The following RORA variants were observed in gnomAD, a reference collection of about 807,000 sequenced individuals.
The protein encoded by RORA is nuclear receptor ROR-alpha.
RORA carries 7 observed loss-of-function variants against 69.5 expected under a neutral mutation model. That is an observed-to-expected ratio of 0.10 (90% CI 0.06 to 0.19). RORA has a LOEUF of 0.19. Among genes scored for constraint, RORA ranks in the 10% least tolerant of loss-of-function variants. The pLI is 1.00. For missense variants in RORA, 457 were observed against 663.0 expected, an observed-to-expected ratio of 0.69 and a Z score of 3.41; for synonymous variants, 261 against 240.8, an observed-to-expected ratio of 1.08 and a Z score of -0.78.
At chr15:60,632,034 C>T (rs887690879) in intron 2 of RORA, among the ~76,000 whole-genome samples, 2 of 152,048 alleles carry the variant, frequency 1.3e-5, no homozygotes, top group Non-Finnish European at 2.9e-5. Context: ...AACTAGAAAG[C>T]CCCAAGAGAA....
intron 1 of RORA, among the ~76,000 whole-genome samples, chr15:61,016,144 AGAGT>A (rs1287650851): frequency 2.0e-5 from 3 of 152,202 alleles, no homozygotes; most frequent in Non-Finnish European, 2.9e-5. Flanking sequence ...ACCACAATGT[AGAGT>A]GAGTTATTTA....
intron 1 of RORA, among the ~76,000 whole-genome samples, chr15:61,130,683 A>T (rs1309088758): frequency 1.3e-5 from 2 of 152,246 alleles, no homozygotes; most frequent in Non-Finnish European, 2.9e-5. Context: ...AGAAAAACAC[A>T]GGTAAATGAT....
In RORA at chr15:60,495,169, A is replaced by G. The variant is rs889434746; in HGVS notation, c.*2286T>C. On this transcript the variant is annotated 3_prime_UTR_variant, in exon 11 of 11. Coordinates refer to ENST00000335670, the MANE Select transcript of RORA (RefSeq NM_134261.3). Reference sequence around the variant, plus strand: ...ACCATTTCCCCCCAGAGGAGAAACAATAGAAAAAAAATGGATGAATAAATA... The same window carrying G: ...ACCATTTCCCCCCAGAGGAGAAACAGTAGAAAAAAAATGGATGAATAAATA... 1 of 152,214 alleles carries G rather than the reference A, an allele frequency of 6.6e-6. No individual in the cohort carries two copies. The highest frequency in any genetic ancestry group is 1.5e-5 in the Non-Finnish European group (1 of 68,038). 9.4% of individuals were successfully genotyped at this position (152,214 alleles called of 1,614,324 possible).
chr15:60,553,500 G>A (rs1340546574), intron 2 of RORA, among the ~76,000 whole-genome samples: 1 of 152,180 alleles, frequency 6.6e-6, no homozygotes, highest in Non-Finnish European at 1.5e-5. Context: ...TGGGCTAAGA[G>A]TCAGATGGTC....
intron 1 of RORA, among the ~76,000 whole-genome samples, chr15:61,178,574 C>G (rs2079652557): frequency 6.6e-6 from 1 of 151,956 alleles, no homozygotes; most frequent in Non-Finnish European, 1.5e-5. Context: ...TAAAACACTT[C>G]TAAGGCATCA....
intron 1 of RORA, among the ~76,000 whole-genome samples, chr15:61,218,264 T>C (rs1330077554): frequency 6.6e-6 from 1 of 152,146 alleles, no homozygotes; most frequent in East Asian, 1.9e-4. Context: ...GGTATTAATG[T>C]CTCAAAGATA....
intron 1 of RORA, among the ~76,000 whole-genome samples, chr15:60,966,365 C>T (rs1893554455): frequency 6.6e-6 from 1 of 152,170 alleles, no homozygotes; most frequent in Admixed American, 6.5e-5. Context: ...CTAGACATGG[C>T]TTTCTGATTG....
intron 2 of RORA, among the ~76,000 whole-genome samples, chr15:60,639,586 A>T (rs1163290548): frequency 1.3e-5 from 2 of 152,140 alleles, no homozygotes; most frequent in East Asian, 3.9e-4. Context: ...GAGATTTCGA[A>T]CATTGAAACT....
chr15:60,500,919 C>T lies in RORA; in HGVS notation c.1294+40G>A, dbSNP rs375242826. The T allele has an allele frequency of 1.1e-5, 13 of 1,179,988 alleles. No homozygotes were observed. The African/African-American group carries it at 2.0e-4, about 18-fold the overall frequency. 73.1% of individuals were successfully genotyped at this position (1,179,988 alleles called of 1,614,324 possible). A position where few individuals can be genotyped will look rare whatever the true frequency, so the allele number is the denominator to read the frequency against. On this transcript the variant is annotated intron_variant, in intron 9 of 10. Coordinates refer to ENST00000335670, the MANE Select transcript of RORA (RefSeq NM_134261.3). ...CCTTGTAAAAATTCTTTATCTTAGA[C>T]AATTCGAAAACCATTTTTATTTTTA...
intron 3 of RORA, chr15:60,529,409 A>G (rs1303671068): frequency 6.6e-6 from 1 of 152,202 alleles, no homozygotes; most frequent in African/African-American, 2.4e-5. Context: ...AGCAGAGAGA[A>G]ATTATAATGG....
chr15:60,602,016 G>A (rs917435461), intron 2 of RORA, among the ~76,000 whole-genome samples: 1 of 152,126 alleles, frequency 6.6e-6, no homozygotes, highest in Non-Finnish European at 1.5e-5. Context: ...TTGTTGTAAA[G>A]CCTTAAGTAC....
chr15:60,576,190 CA>C (rs1451762243), intron 2 of RORA, among the ~76,000 whole-genome samples: 13 of 152,354 alleles, frequency 8.5e-5, no homozygotes, highest in Non-Finnish European at 1.8e-4. Context: ...TCTGTTTATA[CA>C]GTGAGTATGC....
chr15:60,704,326 G>T (rs2071028758), intron 1 of RORA, among the ~76,000 whole-genome samples: 1 of 152,246 alleles, frequency 6.6e-6, no homozygotes, highest in African/African-American at 2.4e-5. Flanking sequence ...GGGTGTTGCT[G>T]CCCTCCCGGC....
chr15:60,542,759 T>G (rs28587450), intron 2 of RORA, among the ~76,000 whole-genome samples: 125,979 of 150,414 alleles, frequency 0.84, 53,988 homozygotes, highest in East Asian at 1. Flanking sequence ...CGGGCACACC[T>G]CACACACAAG....
At chr15:61,048,339 T>A (rs1021311019) in intron 1 of RORA, among the ~76,000 whole-genome samples, 17 of 152,182 alleles carry the variant, frequency 1.1e-4, no homozygotes, top group African/African-American at 4.1e-4. Context: ...ACCTGAACAC[T>A]GTGTCCTGGT....
chr15:60,782,606 T>C (rs1321043229), intron 1 of RORA, among the ~76,000 whole-genome samples: 1 of 152,206 alleles, frequency 6.6e-6, no homozygotes, highest in Admixed American at 6.5e-5. Context: ...GTTGAAGTTT[T>C]ATTCATGGAG....
intron 5 of RORA, 43 bp from the exon 6 acceptor site, chr15:60,505,672 C>G: frequency 6.2e-7 from 1 of 1,602,858 alleles, no homozygotes; most frequent in South Asian, 1.1e-5. Context: ...AAGCGAAGTT[C>G]TTTGAATAAT....
chr15:60,533,201 G>T (rs1165185931), intron 2 of RORA, among the ~76,000 whole-genome samples: 1 of 152,080 alleles, frequency 6.6e-6, no homozygotes, highest in African/African-American at 2.4e-5. Flanking sequence ...TGACTTTTAG[G>T]GAGTGCAAGC....
chr15:60,946,797 G>A (rs1297405055), intron 1 of RORA, among the ~76,000 whole-genome samples: 1 of 150,356 alleles, frequency 6.7e-6, no homozygotes, highest in Non-Finnish European at 1.5e-5. Context: ...ACCTCTTCCC[G>A]GCCACCATCC....
Sources: gnomAD v4.1 joint callset for allele counts (sites outside exome capture counted in the v4.1 genomes callset) on GRCh38, gnomAD v4.1.1 for gene constraint, MANE v1.5 for transcripts, NCBI Gene and HGNC (gene_info 2026-07-23, HGNC 2026-07-21) for gene names.